The following RNF13 variants were observed in gnomAD, a reference collection of about 807,000 sequenced individuals.
RNF13 encodes E3 ubiquitin-protein ligase RNF13.
Under a neutral mutation model 37.7 loss-of-function variants are expected in RNF13, and 19 were observed. The observed-to-expected ratio is 0.50, with a 90% CI of 0.35 to 0.74. The LOEUF is 0.74. Among genes scored for constraint, RNF13 ranks in the 30% least tolerant of loss-of-function variants. The pLI is 0.01. For missense variants in RNF13, 375 were observed against 453.0 expected, an observed-to-expected ratio of 0.83 and a Z score of 1.56; for synonymous variants, 144 against 157.8, an observed-to-expected ratio of 0.91 and a Z score of 0.65.
intron 3 of RNF13, among the ~76,000 whole-genome samples, chr3:149,859,223 A>C (rs1002012098): frequency 6.6e-6 from 1 of 152,214 alleles, no homozygotes; most frequent in South Asian, 2.1e-4. Context: ...AAGAAATAGC[A>C]TTGTCAAAAT....
upstream of RNF13, chr3:149,812,881 G>C (rs1010289068): frequency 6.6e-6 from 1 of 152,472 alleles, no homozygotes; most frequent in Admixed American, 6.5e-5. Context: ...CAGACCCTAC[G>C]GTCTCCGTTT....
At position 149,961,434 on chromosome 3, in the gene RNF13, T is replaced by C. The variant is rs2108624114; in HGVS notation, c.*330T>C. On this transcript the variant is annotated 3_prime_UTR_variant, in exon 10 of 10. Transcript: ENST00000392894. Reference sequence around the variant, plus strand: ...CAGTATTTAAGTGTTTTGCGTTTTATACATGAGGTCAGTGCTACAGCCACC... The same window carrying C: ...CAGTATTTAAGTGTTTTGCGTTTTACACATGAGGTCAGTGCTACAGCCACC... 2.1e-6 allele frequency: 1 copy of C among 466,896 alleles called. No individual in the cohort carries two copies. The highest frequency in any genetic ancestry group is 6.1e-5 in the East Asian group (1 of 16,464). The allele number at this position is 466,896 out of a possible 1,614,324, so 28.9% of individuals were successfully genotyped here. A position where few individuals can be genotyped will look rare whatever the true frequency, so the allele number is the denominator to read the frequency against.
At chr3:149,824,598 A>G (rs892497090) in intron 1 of RNF13, among the ~76,000 whole-genome samples, 2 of 152,148 alleles carry the variant, frequency 1.3e-5, no homozygotes, top group African/African-American at 4.8e-5. Flanking sequence ...ATAATATCCT[A>G]GACTAGAAAA....
chr3:149,913,631 C>G (rs980663173), intron 7 of RNF13, among the ~76,000 whole-genome samples: 3 of 152,128 alleles, frequency 2.0e-5, no homozygotes, highest in Non-Finnish European at 4.4e-5. Flanking sequence ...TTTTGCTGTT[C>G]TTGTTTTTCA....
At chr3:149,857,451 C>A (rs918471363) in intron 3 of RNF13, among the ~76,000 whole-genome samples, 1 of 152,010 alleles carries the variant, frequency 6.6e-6, no homozygotes, top group Non-Finnish European at 1.5e-5. Context: ...CTAGGTAAGT[C>A]CTGTGTTTGT....
intron 8 of RNF13, among the ~76,000 whole-genome samples, chr3:149,926,720 G>T (rs1718690713): frequency 6.6e-6 from 1 of 152,106 alleles, no homozygotes; most frequent in Non-Finnish European, 1.5e-5. Context: ...AAAATACACT[G>T]TTCTGCAGTG....
At chr3:149,823,167 A>G (rs1720160039) in intron 1 of RNF13, among the ~76,000 whole-genome samples, 1 of 152,118 alleles carries the variant, frequency 6.6e-6, no homozygotes, top group African/African-American at 2.4e-5. Context: ...ATAAGAGGAA[A>G]TATTTATAAA....
At chr3:149,851,583 T>C (rs1038449912) in intron 2 of RNF13, 3 of 152,234 alleles carry the variant, frequency 2.0e-5, no homozygotes, top group African/African-American at 7.2e-5. Context: ...CCTTTTTGTC[T>C]ATCTTCAAAC....
At chr3:149,920,797 T>TTC (rs763324741) in intron 7 of RNF13, among the ~76,000 whole-genome samples, 1 of 150,684 alleles carries the variant, frequency 6.6e-6, no homozygotes, top group East Asian at 1.9e-4. Flanking sequence ...ATTCTTTTTT[T>TTC]TTTTTTTTTT....
chr3:149,951,675 A>G (rs1038915918), intron 8 of RNF13, among the ~76,000 whole-genome samples: 1 of 152,228 alleles, frequency 6.6e-6, no homozygotes, highest in Admixed American at 6.5e-5. Context: ...CACCAAATCA[A>G]AATTTGATAA....
chr3:149,852,454 CT>C, intron 2 of RNF13, 61 bp from the exon 3 acceptor site: 1 of 653,920 alleles, frequency 1.5e-6, no homozygotes, highest in Non-Finnish European at 2.5e-6. Flanking sequence ...TTAAATAAGT[CT>C]TTGTTTTTAA....
intron 8 of RNF13, among the ~76,000 whole-genome samples, chr3:149,926,900 C>T (rs976702552): frequency 2.0e-5 from 3 of 151,964 alleles, no homozygotes; most frequent in Non-Finnish European, 4.4e-5. Context: ...ATAGTGTTTA[C>T]CTATGTTTAA....
intron 1 of RNF13, among the ~76,000 whole-genome samples, chr3:149,838,622 C>G (rs1024840617): frequency 6.6e-6 from 1 of 152,166 alleles, no homozygotes; most frequent in Non-Finnish European, 1.5e-5. Flanking sequence ...TGCAGGGCAC[C>G]AAGTCCCAAG....
Position 149,961,360 on chromosome 3 carries a change from A to G in RNF13, c.*256A>G, listed in dbSNP as rs1031855442. 1.1e-5 allele frequency: 6 copies of G among 555,020 alleles called. No individual in the cohort carries two copies. In the East Asian group the frequency reaches 1.5e-4, roughly 14 times the overall value. The allele number at this position is 555,020 out of a possible 1,614,324, so 34.4% of individuals were successfully genotyped here. A position where few individuals can be genotyped will look rare whatever the true frequency, so the allele number is the denominator to read the frequency against. ...TTTGGAATGAAAGTATAGCCAAAAC[A>G]TAAAAAAAAAAAAATCCTCAGTATA... On this transcript the variant is annotated 3_prime_UTR_variant, in exon 10 of 10. Transcript: ENST00000392894.
At chr3:149,872,426 C>A (rs41267881) in intron 4 of RNF13, among the ~76,000 whole-genome samples, 4,037 of 152,222 alleles carry the variant, frequency 0.027, 67 homozygotes, top group South Asian at 0.036. Context: ...TATGCTTTTA[C>A]CCTTCCAGTA....
chr3:149,866,044 T>C (rs889730956), intron 3 of RNF13, among the ~76,000 whole-genome samples: 1 of 152,108 alleles, frequency 6.6e-6, no homozygotes, highest in Non-Finnish European at 1.5e-5. Flanking sequence ...TATTTCTGCC[T>C]TCCCTTTTTA....
chr3:149,843,516 T>C (rs1043446597), intron 1 of RNF13, among the ~76,000 whole-genome samples: 1 of 152,074 alleles, frequency 6.6e-6, no homozygotes, highest in Non-Finnish European at 1.5e-5. Context: ...AAAAAGGCAA[T>C]AAATGCAAAA....
chr3:149,879,423 C>T (rs1713124297), intron 4 of RNF13, among the ~76,000 whole-genome samples: 3 of 151,734 alleles, frequency 2.0e-5, no homozygotes, highest in Non-Finnish European at 4.4e-5. Context: ...ATCCTTCCAC[C>T]TCAGCCTCCC....
At chr3:149,879,263 G>A (rs1229374536) in intron 4 of RNF13, among the ~76,000 whole-genome samples, 2 of 150,362 alleles carry the variant, frequency 1.3e-5, no homozygotes, top group Non-Finnish European at 3.0e-5. Flanking sequence ...ACTTTCTAAT[G>A]TATCACTTTA....
Sources: gnomAD v4.1 joint callset for allele counts (sites outside exome capture counted in the v4.1 genomes callset) on GRCh38, gnomAD v4.1.1 for gene constraint, MANE v1.5 for transcripts, NCBI Gene and HGNC (gene_info 2026-07-23, HGNC 2026-07-21) for gene names.